TENM3: variants seen among roughly 807,000 people sequenced by gnomAD.
TENM3 encodes teneurin-3.
A neutral mutation model predicts 255.1 loss-of-function variants in TENM3; 63 were observed. The observed-to-expected ratio is 0.25, with a 90% CI of 0.20 to 0.30. The LOEUF (loss-of-function observed/expected upper bound fraction) is 0.30, where lower values mean the gene tolerates loss of function less well. Ranked by LOEUF, TENM3 falls within the 10% of genes least tolerant of loss-of-function variation. The pLI is 1.00. For synonymous variants in TENM3, 1,306 were observed against 1,322.3 expected, an observed-to-expected ratio of 0.99 and a Z score of 0.27; for missense variants, 2,929 against 3,461.1, an observed-to-expected ratio of 0.85 and a Z score of 3.86.
At position 182,577,981 on chromosome 4, in the gene TENM3, A is replaced by T. The variant is rs368999857; in HGVS notation, c.512-22943A>T. ...AATGCTATTCTGATGACCCAATTTA[A>T]TTTTTTTTTTTTTGAGTTGGAGTCT... On this transcript the variant is annotated intron_variant, in intron 3 of 27. Coordinates refer to ENST00000511685, the MANE Select transcript of TENM3 (RefSeq NM_001080477.4). Among the ~76,000 whole-genome samples the T allele has an allele frequency of 1.5e-3, 211 of 145,268 alleles. 2 individuals carry two copies. Among genetic ancestry groups the T allele is most frequent in the African/African-American group, 5.0e-3 (201 of 39,836 alleles).
In TENM3 at chr4:182,714,208, C is replaced by T. The variant is rs1307653309; in HGVS notation, c.2343C>T (p.Cys781=). The T allele has an allele frequency of 1.2e-6, 2 of 1,609,418 alleles. No homozygotes were observed. Among genetic ancestry groups the T allele is most frequent in the Non-Finnish European group, 1.7e-6 (2 of 1,178,898 alleles). Residue 781 remains cysteine, a synonymous_variant, in exon 13 of 28, where the codon TGC becomes TGT. Coordinates refer to ENST00000511685, the MANE Select transcript of TENM3 (RefSeq NM_001080477.4). The part of the protein sequence containing the change: ...AGCDVAMETL[C]TDSKDNEGDG... ...GTGACGTAGCCATGGAGACTCTTTG[C>T]ACAGATAGCAAGGACAATGAAGGAG...
chr4:182,228,216 G>T (rs757937020), intron 1 of TENM3, among the ~76,000 whole-genome samples: 1 of 151,876 alleles, frequency 6.6e-6, no homozygotes, highest in Non-Finnish European at 1.5e-5. Context: ...TTTGCTAAGT[G>T]AGTAGATTTT....
At chr4:182,100,712 CAT>C in the TENM3 span, among the ~76,000 whole-genome samples, 58,893 of 69,150 alleles carry the variant, frequency 0.85, 26,046 homozygotes, top group Middle Eastern at 0.9. Flanking sequence ...TATATACACA[CAT>C]ATATATACAC....
rs375491156 is a variant in TENM3, at chr4:182,751,938, C to G, written c.3768C>G (p.Val1256=). 1.2e-6 allele frequency: 2 copies of G among 1,613,840 alleles called. No homozygotes were observed. The highest frequency in any genetic ancestry group is 1.7e-6 in the Non-Finnish European group (2 of 1,179,874). ...AAGACTTGACTAAAAATGCAGAAGT[C>G]GTCGCAGGGACAGGGGAGCAATGCC... ...GAKDLTKNAE[V]VAGTGEQCLP... is the part of the protein sequence containing the mutation. The change falls in exon 20 of 28, where the codon GTC becomes GTG. Residue 1256 remains valine (V), a synonymous_variant. Coordinates refer to ENST00000511685, the MANE Select transcript of TENM3 (RefSeq NM_001080477.4).
At chr4:181,871,826 T>C in the TENM3 span, among the ~76,000 whole-genome samples, 1 of 152,140 alleles carries the variant, frequency 6.6e-6, no homozygotes, top group Non-Finnish European at 1.5e-5. Flanking sequence ...AATGATTATA[T>C]GGTCTTTCTT....
At chr4:182,480,587 A>G (rs974495064) in intron 3 of TENM3, among the ~76,000 whole-genome samples, 3 of 152,118 alleles carry the variant, frequency 2.0e-5, no homozygotes, top group African/African-American at 7.2e-5. Flanking sequence ...TTTAATTTTA[A>G]AAAGTGTCTT....
At chr4:181,817,815 C>A in the TENM3 span, among the ~76,000 whole-genome samples, 3 of 152,176 alleles carry the variant, frequency 2.0e-5, no homozygotes, top group Non-Finnish European at 4.4e-5. Flanking sequence ...CCCTCCCAGC[C>A]TCTAGAACTG....
intron 3 of TENM3, among the ~76,000 whole-genome samples, chr4:182,567,842 CA>C (rs199801857): frequency 0.33 from 42,396 of 127,208 alleles, 6,604 homozygotes; most frequent in Non-Finnish European, 0.38. Flanking sequence ...GAATGTAATC[CA>C]AAAAAAAAAA....
At chr4:181,922,197 T>C in the TENM3 span, among the ~76,000 whole-genome samples, 1 of 152,156 alleles carries the variant, frequency 6.6e-6, no homozygotes, top group South Asian at 2.1e-4. Flanking sequence ...AAAATTCTCT[T>C]TTTTGGTTGT....
chr4:182,436,626 G>A (rs1478232987), intron 3 of TENM3, among the ~76,000 whole-genome samples: 1 of 152,156 alleles, frequency 6.6e-6, no homozygotes, highest in Non-Finnish European at 1.5e-5. Context: ...CACATGATAT[G>A]GCTGTGGTTA....
intron 4 of TENM3, among the ~76,000 whole-genome samples, chr4:182,610,526 T>TA (rs1185807077): frequency 6.6e-6 from 1 of 151,898 alleles, no homozygotes; most frequent in Non-Finnish European, 1.5e-5. Context: ...GACAAAAAAA[T>TA]AAAAACCTTA....
intron 3 of TENM3, among the ~76,000 whole-genome samples, chr4:182,494,878 G>A (rs1735629674): frequency 6.6e-6 from 1 of 152,152 alleles, no homozygotes; most frequent in Non-Finnish European, 1.5e-5. Context: ...ATTGGTCTAT[G>A]CAATAGTGAG....
In TENM3 at chr4:182,753,471, G is replaced by A; in HGVS notation, c.3884G>A (p.Gly1295Glu). ...ACAGGAATGGCAGTTGATAAGAATG[G>A]ATTAATCTACTTTGTTGATGGAACC... ...SPKGMAVDKN[G>E]LIYFVDGTMI... Residue 1295 changes from glycine (G) to glutamate (E), a missense_variant, in exon 21 of 28, where the codon GGA (glycine) becomes GAA (glutamate). Coordinates refer to ENST00000511685, the MANE Select transcript of TENM3 (RefSeq NM_001080477.4). 6.2e-7 allele frequency: 1 copy of A among 1,613,750 alleles called. No homozygotes were observed. Among genetic ancestry groups the A allele is most frequent in the Non-Finnish European group, 8.5e-7 (1 of 1,179,748 alleles).
chr4:182,310,792 C>G (rs770201877), intron 1 of TENM3, among the ~76,000 whole-genome samples: 1 of 151,710 alleles, frequency 6.6e-6, no homozygotes, highest in African/African-American at 2.4e-5. Context: ...CTGCAGCCTC[C>G]GTCTCCTGGG....
chr4:181,920,554 ATCCT>A, the TENM3 span, among the ~76,000 whole-genome samples: 1 of 152,144 alleles, frequency 6.6e-6, no homozygotes, highest in Non-Finnish European at 1.5e-5. Flanking sequence ...GTCTGTTCAT[ATCCT>A]TCGCCCACTT....
rs181996493 is a variant in TENM3, at chr4:182,435,013, G to A, written c.511+88084G>A. 3.9e-5 allele frequency among the ~76,000 whole-genome samples: 6 copies of A among 152,264 alleles called. No homozygotes were observed. In the East Asian group the frequency reaches 1.2e-3, roughly 29 times the overall value. ...CCAGGACACAAGTTGTTCTTTTGCT[G>A]GCATCTTTGAAGTCTATAAAAATAT... On this transcript the variant is annotated intron_variant, in intron 3 of 27. Coordinates refer to ENST00000511685, the MANE Select transcript of TENM3 (RefSeq NM_001080477.4).
chr4:182,098,605 A>G, the TENM3 span, among the ~76,000 whole-genome samples: 1 of 152,212 alleles, frequency 6.6e-6, no homozygotes, highest in Admixed American at 6.5e-5. Flanking sequence ...GTTCTCACTC[A>G]TATGTGGAAT....
At chr4:181,461,027 C>A in the TENM3 span, among the ~76,000 whole-genome samples, 2 of 152,012 alleles carry the variant, frequency 1.3e-5, no homozygotes, top group African/African-American at 4.8e-5. Context: ...TGATAAGCAT[C>A]TTTTAATAGC....
At chr4:181,823,393 G>C in the TENM3 span, among the ~76,000 whole-genome samples, 1 of 152,070 alleles carries the variant, frequency 6.6e-6, no homozygotes, top group Non-Finnish European at 1.5e-5. Context: ...TCATGAAAGA[G>C]CTACTGTGGA....
Sources: gnomAD v4.1 joint callset for allele counts (sites outside exome capture counted in the v4.1 genomes callset) on GRCh38, gnomAD v4.1.1 for gene constraint, MANE v1.5 for transcripts, NCBI Gene and HGNC (gene_info 2026-07-23, HGNC 2026-07-21) for gene names.